SREBF2: variants seen among roughly 807,000 people sequenced by gnomAD.
SREBF2 encodes sterol regulatory element binding transcription factor 2.
Under a neutral mutation model 113.1 loss-of-function variants are expected in SREBF2, and 55 were observed. That is an observed-to-expected ratio of 0.49 (90% CI 0.39 to 0.61). SREBF2 has a LOEUF of 0.61. Ranked by LOEUF, SREBF2 falls within the 20% of genes least tolerant of loss-of-function variation. The probability of loss-of-function intolerance (pLI) is 0.00; values close to 1 mark genes in which losing one functional copy is unlikely to be tolerated. For synonymous variants in SREBF2, 593 were observed against 605.7 expected (o/e 0.98, Z 0.31); for missense variants, 1,349 against 1,487.4 (o/e 0.91, Z 1.53).
Position 41,900,001 on chromosome 22 carries a change from T to C in SREBF2, c.2739-329T>C, listed in dbSNP as rs979546116. On this transcript the variant is annotated intron_variant, in intron 15 of 18. Transcript: ENST00000361204. ...CCCTTAAAGAACGGGTACAACACCT[T>C]ATTGTGGCCACTTTATAGGTAAGGA... is the stretch of plus-strand genomic sequence containing the variant. 6.4e-6 allele frequency: 8 copies of C among 1,257,526 alleles called. No individual in the cohort carries two copies. In the Admixed American group the frequency reaches 1.4e-4, roughly 21 times the overall value. The allele number at this position is 1,257,526 out of a possible 1,614,324, so 77.9% of individuals were successfully genotyped here. A position where few individuals can be genotyped will look rare whatever the true frequency, so the allele number is the denominator to read the frequency against.
At chr22:41,854,162 T>C (rs1376320707) in intron 1 of SREBF2, among the ~76,000 whole-genome samples, 1 of 151,956 alleles carries the variant, frequency 6.6e-6, no homozygotes, top group Non-Finnish European at 1.5e-5. Flanking sequence ...TTGTGTTTTT[T>C]TGTTTTTGTT....
At position 41,875,026 on chromosome 22, in the gene SREBF2, A is replaced by C. The variant is rs58291261; in HGVS notation, c.1090-311A>C. Among the ~76,000 whole-genome samples the C allele has an allele frequency of 7.2e-3, 1,100 of 152,342 alleles. 17 individuals are homozygous for C. The highest frequency in any genetic ancestry group is 0.025 in the African/African-American group (1,052 of 41,580). On this transcript the variant is annotated intron_variant, in intron 5 of 18. Transcript: ENST00000361204. Reference sequence around the variant, plus strand: ...TTATAAGAAGTGGGAACAATAGCTAATATTTATTGAGTGTCAACTATTTGC... The same window carrying C: ...TTATAAGAAGTGGGAACAATAGCTACTATTTATTGAGTGTCAACTATTTGC...
chr22:41,852,084 G>C (rs1467287612), intron 1 of SREBF2, among the ~76,000 whole-genome samples: 1 of 152,038 alleles, frequency 6.6e-6, no homozygotes, highest in Admixed American at 6.6e-5. Flanking sequence ...TTGTGCCACT[G>C]CACTCCAGCC....
rs184279020 is a variant in SREBF2 at position 41,842,987 on chromosome 22, T to A, written c.88+9629T>A. ...CTGGGACACCAGAGCGAGACGTCCG[T>A]CTCAAAAAAAAAAAAAAGATTATAA... is the stretch of plus-strand genomic sequence containing the variant. On this transcript the variant is annotated intron_variant, in intron 1 of 18. Transcript: ENST00000361204. Among the ~76,000 whole-genome samples the A allele has an allele frequency of 2.4e-3, 359 of 148,544 alleles. 2 individuals carry two copies. The highest frequency in any genetic ancestry group is 1.9e-3 in the Non-Finnish European group (126 of 67,568).
chr22:41,861,538 C>A (rs2077027493), intron 1 of SREBF2, among the ~76,000 whole-genome samples: 1 of 151,724 alleles, frequency 6.6e-6, no homozygotes, highest in African/African-American at 2.4e-5. Flanking sequence ...AATAGTGGAA[C>A]TGCTGGATGA....
In SREBF2 at chr22:41,904,982, C is replaced by T. The variant is rs1337972392; in HGVS notation, c.3205+8C>T. On this transcript the variant is annotated splice_region_variant and intron_variant, in intron 18 of 18. Coordinates refer to ENST00000361204, the MANE Select transcript of SREBF2 (RefSeq NM_004599.4). The stretch of plus-strand genomic sequence containing the variant: ...CGCAGAGCACCAAGCACGGTGAGTC[C>T]ACCCCTCCCCAGCTCACAGGCTGGG... 1.9e-6 allele frequency: 3 copies of T among 1,578,868 alleles called. No individual in the cohort carries two copies. Among genetic ancestry groups the T allele is most frequent in the Non-Finnish European group, 2.6e-6 (3 of 1,167,836 alleles).
Position 41,897,077 on chromosome 22 carries a change from T to C in SREBF2, c.2521T>C (p.Leu841=). 1 of 1,613,356 alleles carries C rather than the reference T, an allele frequency of 6.2e-7. No individual in the cohort carries two copies. The highest frequency in any genetic ancestry group is 8.5e-7 in the Non-Finnish European group (1 of 1,179,778). Reference sequence around the variant, plus strand: ...TGAATTCTCCAGTGCTCTGGAGTACTTGAAATTACTTCATTCTTTTGTGGA... The same window carrying C: ...TGAATTCTCCAGTGCTCTGGAGTACCTGAAATTACTTCATTCTTTTGTGGA... ...SCEFSSALEY[L]KLLHSFVDSV... is the part of the protein sequence containing the mutation. Residue 841 remains leucine (L), a synonymous_variant, in exon 14 of 19, where the codon TTG becomes CTG. Transcript: ENST00000361204.
rs1338547164 is a variant in SREBF2, at chr22:41,884,914, C to T, written c.2111C>T (p.Ala704Val). Residue 704 changes from alanine to valine, a missense_variant, in exon 11 of 19, where the codon GCA becomes GTA. By Grantham distance (64) the Ala-to-Val change is moderately conservative. This residue lies in a region of SREBF2 where 650 missense variants were observed against 644.1 expected (regional missense o/e 1.01). Transcript: ENST00000361204. ...ALCAVNLAEC[A>V]EEKIPPSTLV... ...TGTGCCGTGAACCTGGCTGAATGTG[C>T]AGAGGAGAAGATCCCACCGAGCACA... 13 of 1,614,054 alleles carry T rather than the reference C, an allele frequency of 8.1e-6. No individual in the cohort carries two copies. The highest frequency in any genetic ancestry group is 1.7e-5 in the Admixed American group (1 of 60,006).
At chr22:41,859,055 G>A (rs538812423) in intron 1 of SREBF2, among the ~76,000 whole-genome samples, 168 of 149,840 alleles carry the variant, frequency 1.1e-3, no homozygotes, top group African/African-American at 3.8e-3. Flanking sequence ...CCCAGGAGGT[G>A]GAGGTTGCAG....
Position 41,833,595 on chromosome 22 carries a change from C to T in SREBF2, c.88+237C>T. On this transcript the variant is annotated intron_variant, in intron 1 of 18. Coordinates refer to ENST00000361204, the MANE Select transcript of SREBF2 (RefSeq NM_004599.4). The surrounding 1 kb of genome is among the most constrained non-coding windows in gnomAD (Gnocchi z 4.1). ...GGGCGCCGCGGGGCCGAAAGCGGCG[C>T]GAGGGTCGCGGGTTCCAGAGCGCGG... The T allele has an allele frequency of 2.4e-6, 1 of 414,550 alleles. No individual in the cohort carries two copies. 25.7% of individuals were successfully genotyped at this position (414,550 alleles called of 1,614,324 possible).
intron 1 of SREBF2, among the ~76,000 whole-genome samples, chr22:41,864,620 CA>C (rs1457183359): frequency 6.6e-6 from 1 of 151,424 alleles, no homozygotes; most frequent in Non-Finnish European, 1.5e-5. Flanking sequence ...GCGCCCGGCC[CA>C]AAAAATCTTT....
At chr22:41,868,863 T>C (rs1395669789) in intron 3 of SREBF2, 71 bp downstream of exon 3, 1 of 1,542,332 alleles carries the variant, frequency 6.5e-7, no homozygotes, top group African/African-American at 1.4e-5. Flanking sequence ...GAAGATGTGG[T>C]CTACATACTA....
chr22:41,877,888 T>C, intron 8 of SREBF2, 54 bp from the exon 9 acceptor site: 4 of 1,603,116 alleles, frequency 2.5e-6, no homozygotes, highest in South Asian at 2.2e-5. Context: ...GTCAGGTGCC[T>C]GGCTGCTCCG....
intron 1 of SREBF2, among the ~76,000 whole-genome samples, chr22:41,860,351 A>G (rs915831433): frequency 6.6e-6 from 1 of 152,196 alleles, no homozygotes; most frequent in Non-Finnish European, 1.5e-5. Flanking sequence ...GACTTTAGAA[A>G]AAAAAAAGAC....
At chr22:41,872,390 C>T (rs367919249) in intron 4 of SREBF2, among the ~76,000 whole-genome samples, 161 of 151,818 alleles carry the variant, frequency 1.1e-3, no homozygotes, top group African/African-American at 3.6e-3. Flanking sequence ...GAGGGGCATG[C>T]GGGGACTTTC....
intron 1 of SREBF2, among the ~76,000 whole-genome samples, chr22:41,846,139 G>T (rs914028027): frequency 1.3e-5 from 2 of 152,212 alleles, no homozygotes; most frequent in Non-Finnish European, 2.9e-5. Context: ...TTGGTCAGGT[G>T]CCTCCTTGCT....
chr22:41,870,770 A>T, intron 3 of SREBF2, 119 bp from the exon 4 acceptor site: 1 of 1,396,252 alleles, frequency 7.2e-7, no homozygotes, highest in South Asian at 1.2e-5. Context: ...TTTTATTCTC[A>T]ATTTCATAAA....
intron 11 of SREBF2, among the ~76,000 whole-genome samples, chr22:41,887,160 A>G (rs558364370): frequency 1.3e-5 from 2 of 152,260 alleles, no homozygotes; most frequent in South Asian, 4.1e-4. Flanking sequence ...GGTTGTAATG[A>G]GCCAAGATTG....
chr22:41,880,100 A>AT (rs2077231243), intron 9 of SREBF2, among the ~76,000 whole-genome samples: 1 of 152,196 alleles, frequency 6.6e-6, no homozygotes, highest in Non-Finnish European at 1.5e-5. Context: ...AATACCAGAG[A>AT]TTCTGATTCA....
Sources: allele counts gnomAD v4.1 joint callset (sites outside exome capture counted in the v4.1 genomes callset), GRCh38; gene constraint gnomAD v4.1.1; regional missense constraint gnomAD v4.1.1; non-coding constraint Gnocchi (gnomAD v3.1); transcripts MANE v1.5; gene names NCBI Gene and HGNC (gene_info 2026-07-23, HGNC 2026-07-21).